The following PDS5B variants were observed in gnomAD, a reference collection of about 807,000 sequenced individuals.
PDS5B encodes the protein sister chromatid cohesion protein PDS5 homolog B.
PDS5B carries 51 observed loss-of-function variants against 184.1 expected under a neutral mutation model. The ratio of observed to expected loss-of-function variants is 0.28; its 90% CI spans 0.22 to 0.35. The LOEUF is 0.35. Ranked by LOEUF, PDS5B falls within the 10% of genes least tolerant of loss-of-function variation. The pLI is 1.00. For missense variants in PDS5B, 1,180 were observed against 1,723.3 expected (o/e 0.68, Z 5.58); for synonymous variants, 566 against 569.2 (o/e 0.99, Z 0.08).
Position 32,659,217 on chromosome 13 carries a change from A to T in PDS5B, c.561A>T (p.Glu187Asp). Residue 187 changes from glutamate (E) to aspartate (D), a missense_variant, in exon 6 of 35, where the codon GAA (glutamate) becomes GAT (aspartate). Transcript: ENST00000315596. ...MVDLMSSIIC[E>D]GDTVSQELLD... ...ACCTTATGAGCTCTATTATTTGTGA[A>T]GGTGATACAGTGTCTCAGGAGCTTT... The T allele has an allele frequency of 6.2e-7, 1 of 1,601,338 alleles. No individual in the cohort carries two copies. The highest frequency in any genetic ancestry group is 8.5e-7 in the Non-Finnish European group (1 of 1,171,726).
At chr13:32,606,583 C>A in intron 1 of PDS5B, among the ~76,000 whole-genome samples, 1 of 152,056 alleles carries the variant, frequency 6.6e-6, no homozygotes, top group East Asian at 1.9e-4. Flanking sequence ...TTGTGGTGTT[C>A]TCTGTATTTC....
At chr13:32,730,774 T>G (rs972206486) in intron 19 of PDS5B, among the ~76,000 whole-genome samples, 4 of 152,222 alleles carry the variant, frequency 2.6e-5, no homozygotes, top group African/African-American at 9.6e-5. Context: ...TAGGAATGCT[T>G]GTGATTTTTG....
chr13:32,667,921 A>G, intron 7 of PDS5B, 77 bp downstream of exon 7: 2 of 727,200 alleles, frequency 2.8e-6, no homozygotes, highest in Middle Eastern at 2.6e-4. Flanking sequence ...AAATTTCATC[A>G]GATAGTATAT....
intron 30 of PDS5B, chr13:32,763,328 G>A (rs977627666): frequency 6.5e-6 from 1 of 152,686 alleles, no homozygotes; most frequent in Admixed American, 6.5e-5. Flanking sequence ...ATGTACTATA[G>A]AGGAGCTAGA....
chr13:32,680,921 T>G (rs1056436699), intron 10 of PDS5B, among the ~76,000 whole-genome samples: 8 of 152,206 alleles, frequency 5.3e-5, no homozygotes, highest in Non-Finnish European at 1.0e-4. Context: ...TTTTTTGCTG[T>G]TGATAATGTG....
chr13:32,649,056 C>T lies in PDS5B; in HGVS notation c.108+176C>T, dbSNP rs572600375. ...ATAAGGTACAGTGGGGATTATTTGGCTATGATTAAAGGGACAGCAATTAGG... is the reference window on the plus strand; with the variant it reads ...ATAAGGTACAGTGGGGATTATTTGGTTATGATTAAAGGGACAGCAATTAGG... On this transcript the variant is annotated intron_variant, in intron 2 of 34. Coordinates refer to ENST00000315596, the MANE Select transcript of PDS5B (RefSeq NM_015032.4). 8.1e-5 allele frequency: 42 copies of T among 521,042 alleles called. 1 individual carries two copies. Among genetic ancestry groups the T allele is most frequent in the Non-Finnish European group, 1.3e-4 (38 of 294,090 alleles). 32.3% of individuals were successfully genotyped at this position (521,042 alleles called of 1,614,324 possible).
chr13:32,719,108 TC>T (rs1952579702), intron 19 of PDS5B, among the ~76,000 whole-genome samples: 2 of 152,224 alleles, frequency 1.3e-5, no homozygotes, highest in Non-Finnish European at 2.9e-5. Context: ...TTTTATAACT[TC>T]CTTGTTTGTA....
At position 32,673,259 on chromosome 13, in the gene PDS5B, A is replaced by G. The variant is rs1315776759; in HGVS notation, c.749A>G (p.Asp250Gly). 1 of 1,613,350 alleles carries G rather than the reference A, an allele frequency of 6.2e-7. No homozygotes were observed. The highest frequency in any genetic ancestry group is 8.5e-7 in the Non-Finnish European group (1 of 1,179,722). ...VLMLGKTSISDLSEHVFDLIL... is the reference protein window; with the variant it reads ...VLMLGKTSISGLSEHVFDLIL... ...ATGCTTGGGAAAACATCTATCAGCG[A>G]TTTGTCAGAGCATGTCTTTGACTTA... Residue 250 changes from aspartate to glycine, a missense_variant, in exon 8 of 35, where the codon GAT (aspartate) becomes GGT (glycine). Asp to Gly is a moderately conservative substitution (Grantham distance 94). This residue lies in a region of PDS5B where 79 missense variants were observed against 124.6 expected (regional missense o/e 0.63). Coordinates refer to ENST00000315596, the MANE Select transcript of PDS5B (RefSeq NM_015032.4).
At chr13:32,749,296 T>C (rs1398428870) in intron 24 of PDS5B, among the ~76,000 whole-genome samples, 1 of 152,176 alleles carries the variant, frequency 6.6e-6, no homozygotes, top group African/African-American at 2.4e-5. Context: ...GACACAACCT[T>C]CTTTACAAAA....
At chr13:32,703,212 T>C (rs1374748587) in intron 17 of PDS5B, among the ~76,000 whole-genome samples, 1 of 152,168 alleles carries the variant, frequency 6.6e-6, no homozygotes, top group Non-Finnish European at 1.5e-5. Context: ...TCTGCTCAGA[T>C]TGTATAGAAA....
chr13:32,773,350 G>A, intron 34 of PDS5B, 26 bp downstream of exon 34: 1 of 1,581,612 alleles, frequency 6.3e-7, no homozygotes, highest in Non-Finnish European at 8.6e-7. Flanking sequence ...TTCTGTGAGT[G>A]GTGTGGGATA....
rs1408659629 is a variant in PDS5B, at chr13:32,706,017, T to A, written c.1857-917T>A. ...GCTTGGCCGGGCGTGGTGGCTCACATCTGTAATCCCAGCACTTTGAGAGGC... is the reference window on the plus strand; with the variant it reads ...GCTTGGCCGGGCGTGGTGGCTCACAACTGTAATCCCAGCACTTTGAGAGGC... On this transcript the variant is annotated intron_variant, in intron 17 of 34. Coordinates refer to ENST00000315596, the MANE Select transcript of PDS5B (RefSeq NM_015032.4). 2.0e-5 allele frequency among the ~76,000 whole-genome samples: 3 copies of A among 152,126 alleles called. No homozygotes were observed. In the East Asian group the frequency reaches 5.8e-4, roughly 29 times the overall value.
At chr13:32,648,616 T>C in intron 1 of PDS5B, 138 bp from the exon 2 acceptor site, 1 of 542,476 alleles carries the variant, frequency 1.8e-6, no homozygotes, top group East Asian at 3.1e-5. Context: ...AGAGTGATTT[T>C]CATTAAATGG....
At chr13:32,676,417 G>T (rs1271468719) in intron 9 of PDS5B, among the ~76,000 whole-genome samples, 11 of 152,104 alleles carry the variant, frequency 7.2e-5, no homozygotes, top group Non-Finnish European at 1.6e-4. Flanking sequence ...TGATGGCCTG[G>T]ATTCCTTGCA....
At chr13:32,684,298 A>G (rs1350497290) in intron 11 of PDS5B, among the ~76,000 whole-genome samples, 2 of 152,174 alleles carry the variant, frequency 1.3e-5, no homozygotes, top group African/African-American at 2.4e-5. Flanking sequence ...AGTGTTAATG[A>G]TAAGGGACTT....
At chr13:32,673,954 T>C (rs1951001938) in intron 8 of PDS5B, among the ~76,000 whole-genome samples, 1 of 80 alleles carries the variant, frequency 0.013, no homozygotes, top group East Asian at 0.1. Context: ...TAGCTGGGAC[T>C]ACAGGCTGTG....
intron 1 of PDS5B, among the ~76,000 whole-genome samples, chr13:32,611,503 CTTTTTT>C (rs35825698): frequency 1.9e-4 from 21 of 110,902 alleles, no homozygotes; most frequent in Middle Eastern, 5.0e-3. Context: ...TTGGTTAAAA[CTTTTTT>C]TTTTTTTTTT....
At chr13:32,591,011 C>T (rs1378468426) in intron 1 of PDS5B, among the ~76,000 whole-genome samples, 1 of 151,138 alleles carries the variant, frequency 6.6e-6, no homozygotes, top group African/African-American at 2.4e-5. Context: ...TACTTTTTTC[C>T]TCCCCCCACA....
At position 32,762,541 on chromosome 13, in the gene PDS5B, A is replaced by G. The variant is rs191730019; in HGVS notation, c.3518+1821A>G. On this transcript the variant is annotated intron_variant, in intron 30 of 34. Coordinates refer to ENST00000315596, the MANE Select transcript of PDS5B (RefSeq NM_015032.4). ...GACATTTTCTATCAAATGGTCTCAT[A>G]TTTAACATGACCAGAAACATTTCCA... 7.6e-4 allele frequency among the ~76,000 whole-genome samples: 115 copies of G among 152,272 alleles called. 3 individuals are homozygous for G. The East Asian group carries it at 0.017, about 23-fold the overall frequency.
Sources: allele counts gnomAD v4.1 joint callset (sites outside exome capture counted in the v4.1 genomes callset), GRCh38; gene constraint gnomAD v4.1.1; regional missense constraint gnomAD v4.1.1; transcripts MANE v1.5; gene names NCBI Gene and HGNC (gene_info 2026-07-23, HGNC 2026-07-21).